ADGB: variants seen among roughly 807,000 people sequenced by gnomAD.
ADGB encodes calpain-7-like protein.
In ADGB, 172 loss-of-function variants were observed where a neutral mutation model predicts 210.5. The observed-to-expected ratio is 0.82, with a 90% confidence interval of 0.72 to 0.93. The LOEUF (loss-of-function observed/expected upper bound fraction) is 0.93, where lower values mean the gene tolerates loss of function less well. ADGB is among the 40% of genes least tolerant of loss of function. ADGB has a pLI of 0.00. For missense variants in ADGB, 2,025 were observed against 1,964.8 expected (o/e 1.03, Z -0.58); for synonymous variants, 658 against 662.7 (o/e 0.99, Z 0.11).
rs1775622781 is a variant in ADGB, at chr6:146,646,845, T to A, written c.330+1980T>A. ...GGCTCATGCCTGTAATCCCAGCACT[T>A]TGAGAGGCTGTGGCAGGTGGATCAT... On this transcript the variant is annotated intron_variant, in intron 3 of 35. Transcript: ENST00000397944. 2.0e-5 allele frequency among the ~76,000 whole-genome samples: 3 copies of A among 151,850 alleles called. No individual in the cohort carries two copies. In the South Asian group the frequency reaches 6.2e-4, roughly 31 times the overall value.
At chr6:146,712,993 G>C (rs1470010620) in intron 13 of ADGB, among the ~76,000 whole-genome samples, 1 of 152,080 alleles carries the variant, frequency 6.6e-6, no homozygotes, top group Admixed American at 6.6e-5. Flanking sequence ...CACATAAGTG[G>C]AATAATAAAG....
At chr6:146,721,050 C>T (rs1025015218) in intron 16 of ADGB, among the ~76,000 whole-genome samples, 19 of 152,270 alleles carry the variant, frequency 1.2e-4, no homozygotes, top group African/African-American at 4.6e-4. Flanking sequence ...GCCTTCCTGC[C>T]CATCAAAGAC....
At chr6:146,723,728 A>G (rs147387124) in intron 17 of ADGB, among the ~76,000 whole-genome samples, 1,674 of 152,186 alleles carry the variant, frequency 0.011, 40 homozygotes, top group African/African-American at 0.037. Flanking sequence ...CAGAGTGAGA[A>G]CCCGTCTTTA....
rs1777038245 is a variant in ADGB at position 146,733,743 on chromosome 6, AACC to A, written c.2657-146_2657-144del. On this transcript the variant is annotated intron_variant, in intron 21 of 35. Coordinates refer to ENST00000397944, the MANE Select transcript of ADGB (RefSeq NM_024694.4). ...TGCAGAATATTTACATTCTAACAAGAACCACCTAGAGCCGGCAATATTAAATAT... is the reference window on the plus strand; with the variant it reads ...TGCAGAATATTTACATTCTAACAAGAACCTAGAGCCGGCAATATTAAATAT... 4 of 840,298 alleles carry A rather than the reference AACC, an allele frequency of 4.8e-6. No homozygotes were observed. The African/African-American group carries it at 7.0e-5, about 15-fold the overall frequency. 52.1% of individuals were successfully genotyped at this position (840,298 alleles called of 1,614,324 possible). A position where few individuals can be genotyped will look rare whatever the true frequency, so the allele number is the denominator to read the frequency against.
At chr6:146,627,081 T>C (rs1780983817) in intron 1 of ADGB, among the ~76,000 whole-genome samples, 1 of 152,122 alleles carries the variant, frequency 6.6e-6, no homozygotes, top group African/African-American at 2.4e-5. Context: ...GAATCTTTTT[T>C]TATCTTCCTT....
intron 13 of ADGB, among the ~76,000 whole-genome samples, chr6:146,705,524 A>G (rs187609479): frequency 1.7e-3 from 256 of 152,228 alleles, no homozygotes; most frequent in South Asian, 8.3e-3. Flanking sequence ...TTTTCCATCT[A>G]TTCACATGAT....
At chr6:146,811,100 C>T (rs993953691) in intron 35 of ADGB, among the ~76,000 whole-genome samples, 3 of 152,110 alleles carry the variant, frequency 2.0e-5, no homozygotes, top group African/African-American at 4.8e-5. Context: ...TGTGCATTTT[C>T]ACATTATCCT....
chr6:146,797,874 T>C (rs975863144), intron 33 of ADGB, among the ~76,000 whole-genome samples: 12 of 152,012 alleles, frequency 7.9e-5, no homozygotes, highest in African/African-American at 2.4e-4. Flanking sequence ...AATTTATCCA[T>C]GTAAACAAGC....
chr6:146,752,903 T>C (rs1255051468), intron 27 of ADGB, among the ~76,000 whole-genome samples, 189 bp downstream of exon 27: 2 of 152,128 alleles, frequency 1.3e-5, no homozygotes, highest in Non-Finnish European at 2.9e-5. Flanking sequence ...AGGTTTATTT[T>C]AAAGCCTTTT....
chr6:146,651,299 A>G (rs531836566), intron 3 of ADGB, among the ~76,000 whole-genome samples: 1 of 152,232 alleles, frequency 6.6e-6, no homozygotes, highest in Non-Finnish European at 1.5e-5. Flanking sequence ...CTAGGCGTAC[A>G]GGCTGAGTCA....
chr6:146,788,427 A>T lies in ADGB; in HGVS notation c.4354A>T (p.Lys1452Ter). 1 of 1,551,572 alleles carries T rather than the reference A, an allele frequency of 6.4e-7. No homozygotes were observed. The highest frequency in any genetic ancestry group is 8.7e-7 in the Non-Finnish European group (1 of 1,146,910). The change falls in exon 33 of 36, where the codon AAG becomes TAG. Residue 1452 changes from lysine (K) to a stop codon, truncating the protein, a stop_gained. Coordinates refer to ENST00000397944, the MANE Select transcript of ADGB (RefSeq NM_024694.4). LOFTEE classifies it high-confidence loss of function. ...ACGTGGCGTAAAAGAACCAAACTCAAAGAATTCTGCAGGTTCAGAGAGCAA... is the reference window on the plus strand; with the variant it reads ...ACGTGGCGTAAAAGAACCAAACTCATAGAATTCTGCAGGTTCAGAGAGCAA... ...AARGVKEPNS[K>*]NSAGSESKEM...
chr6:146,675,173 G>A (rs1776069012), intron 8 of ADGB, among the ~76,000 whole-genome samples: 1 of 151,914 alleles, frequency 6.6e-6, no homozygotes, highest in Admixed American at 6.6e-5. Context: ...TAAGATATGG[G>A]CCGGGCATAG....
chr6:146,677,064 T>C (rs904515142), intron 9 of ADGB, among the ~76,000 whole-genome samples: 5 of 152,204 alleles, frequency 3.3e-5, no homozygotes, highest in African/African-American at 1.2e-4. Flanking sequence ...TCTTTCATTT[T>C]AATTAATCTT....
chr6:146,747,133 A>G (rs556941851), intron 26 of ADGB, among the ~76,000 whole-genome samples: 1 of 152,274 alleles, frequency 6.6e-6, no homozygotes, highest in East Asian at 1.9e-4. Flanking sequence ...ATTTATTTTC[A>G]ATATAGGACC....
intron 12 of ADGB, among the ~76,000 whole-genome samples, chr6:146,699,237 T>A (rs1776453446): frequency 2.0e-5 from 3 of 152,116 alleles, no homozygotes; most frequent in Admixed American, 1.3e-4. Context: ...GTCTGCAAGC[T>A]GGGGAACCAG....
At chr6:146,643,043 G>A (rs1775541442) in intron 2 of ADGB, among the ~76,000 whole-genome samples, 1 of 151,816 alleles carries the variant, frequency 6.6e-6, no homozygotes, top group Non-Finnish European at 1.5e-5. Context: ...TTAGATAAAG[G>A]ACTTTACAAC....
At chr6:146,648,425 A>C (rs757565855) in intron 3 of ADGB, among the ~76,000 whole-genome samples, 8 of 152,100 alleles carry the variant, frequency 5.3e-5, no homozygotes, top group Non-Finnish European at 1.0e-4. Context: ...AAAGAGGCTT[A>C]ATTGACTCAC....
intron 16 of ADGB, among the ~76,000 whole-genome samples, chr6:146,719,172 A>G (rs1379406559): frequency 4.0e-5 from 5 of 126,110 alleles, no homozygotes; most frequent in Non-Finnish European, 7.6e-5. Flanking sequence ...GAAGCAGATC[A>G]AATGTGAAAT....
At position 146,598,992 on chromosome 6, in the gene ADGB, C is replaced by T. The variant is rs1024614812; in HGVS notation, c.-49C>T. ...AACGCAGACGCGGAGCCGAGCGCGC[C>T]CGCAGGCTCTTTGCTCAGAGCTCAG... is the stretch of plus-strand genomic sequence containing the variant. On this transcript the variant is annotated 5_prime_UTR_variant, in exon 1 of 36. Transcript: ENST00000397944. 2.1e-5 allele frequency: 32 copies of T among 1,512,502 alleles called. No individual in the cohort carries two copies. Among genetic ancestry groups the T allele is most frequent in the Non-Finnish European group, 2.9e-5 (32 of 1,112,238 alleles). 93.7% of individuals were successfully genotyped at this position (1,512,502 alleles called of 1,614,324 possible).
Sources: allele counts gnomAD v4.1 joint callset (sites outside exome capture counted in the v4.1 genomes callset), GRCh38; gene constraint gnomAD v4.1.1; transcripts MANE v1.5; gene names NCBI Gene and HGNC (gene_info 2026-07-23, HGNC 2026-07-21).